Variants in FLI1 observed in about 807,000 individuals in gnomAD.
FLI1 encodes the protein Fli-1 proto-oncogene, ETS transcription factor.
In FLI1, 13 loss-of-function variants were observed where a neutral mutation model predicts 53.1. The observed-to-expected ratio is 0.24, with a 90% CI of 0.16 to 0.39. The LOEUF is 0.39. Ranked by LOEUF, FLI1 falls within the 10% of genes least tolerant of loss-of-function variation. The probability of loss-of-function intolerance (pLI) is 1.00; values close to 1 mark genes in which losing one functional copy is unlikely to be tolerated. For missense variants in FLI1, 424 were observed against 600.5 expected (o/e 0.71, Z 3.07); for synonymous variants, 244 against 236.7 (o/e 1.03, Z -0.28).
intron 1 of FLI1, among the ~76,000 whole-genome samples, chr11:128,727,579 G>T (rs942150596): frequency 1.1e-4 from 16 of 152,228 alleles, no homozygotes; most frequent in Non-Finnish European, 2.2e-4. Flanking sequence ...AGGCTGACTT[G>T]CTGCAGCCCA....
intron 2 of FLI1, among the ~76,000 whole-genome samples, chr11:128,760,086 C>G (rs1180775569): frequency 1.3e-5 from 2 of 152,158 alleles, no homozygotes; most frequent in East Asian, 3.9e-4. Flanking sequence ...AGCCTGCAGC[C>G]CCTCAGATGA....
At chr11:128,779,142 C>T (rs1245436223) in intron 4 of FLI1, among the ~76,000 whole-genome samples, 2 of 152,350 alleles carry the variant, frequency 1.3e-5, no homozygotes, top group Non-Finnish European at 2.9e-5. Flanking sequence ...CTGTGGAATT[C>T]ATGTGTGCCC....
chr11:128,719,876 A>G (rs1939184560), intron 1 of FLI1, among the ~76,000 whole-genome samples: 1 of 152,236 alleles, frequency 6.6e-6, no homozygotes, highest in African/African-American at 2.4e-5. Flanking sequence ...GGACTAAGTT[A>G]GTAAGCCCAT....
At chr11:128,745,914 G>A (rs943570893) in intron 1 of FLI1, among the ~76,000 whole-genome samples, 1 of 152,214 alleles carries the variant, frequency 6.6e-6, no homozygotes, top group Admixed American at 6.5e-5. Flanking sequence ...CAACTGCCAC[G>A]TGAGGAAATT....
chr11:128,787,010 T>C (rs192412331), intron 5 of FLI1, among the ~76,000 whole-genome samples: 306 of 152,306 alleles, frequency 2.0e-3, no homozygotes, highest in African/African-American at 7.1e-3. Context: ...AGCCATTGCC[T>C]TGGCTGATGG....
chr11:128,791,349 C>T (rs1942264463), intron 5 of FLI1, among the ~76,000 whole-genome samples: 2 of 152,162 alleles, frequency 1.3e-5, no homozygotes, highest in Admixed American at 6.5e-5. Flanking sequence ...TCTCAGTCCC[C>T]ACCCCCAGTC....
At chr11:128,689,233 G>A (rs767970581), upstream of FLI1, among the ~76,000 whole-genome samples, 2 of 152,208 alleles carry the variant, frequency 1.3e-5, no homozygotes, top group Non-Finnish European at 2.9e-5. Flanking sequence ...AAGGATGGAG[G>A]CGTGGAGGGA....
At chr11:128,757,264 T>C (rs1458591207) in intron 1 of FLI1, among the ~76,000 whole-genome samples, 1 of 152,014 alleles carries the variant, frequency 6.6e-6, no homozygotes, top group African/African-American at 2.4e-5. Context: ...CTTTTCTTAA[T>C]CCATGATCTC....
chr11:128,759,899 A>T (rs1941040361), intron 2 of FLI1, among the ~76,000 whole-genome samples: 1 of 152,202 alleles, frequency 6.6e-6, no homozygotes, highest in Non-Finnish European at 1.5e-5. Context: ...GATTGAAGAG[A>T]GAGAAGGGAA....
intron 1 of FLI1, among the ~76,000 whole-genome samples, chr11:128,710,306 T>C (rs376204946): frequency 3.3e-5 from 5 of 152,234 alleles, no homozygotes; most frequent in African/African-American, 9.6e-5. Flanking sequence ...CATTCAGACA[T>C]TTAGTATTAA....
chr11:128,749,048 C>T lies in FLI1; in HGVS notation c.19-9067C>T, dbSNP rs75493226. On this transcript the variant is annotated intron_variant, in intron 1 of 8. Coordinates refer to ENST00000527786, the MANE Select transcript of FLI1 (RefSeq NM_002017.5). ...GGAGATAATTCCACTATGTGTCTATCAGAGGACTTAGACTTTAATTCTGAG... is the reference window on the plus strand; with the variant it reads ...GGAGATAATTCCACTATGTGTCTATTAGAGGACTTAGACTTTAATTCTGAG... Among the ~76,000 whole-genome samples, 693 of 152,242 alleles carry T rather than the reference C, an allele frequency of 4.6e-3. 43 individuals carry two copies. In the East Asian group the frequency reaches 0.11, roughly 25 times the overall value.
At chr11:128,691,329 C>G (rs2135678289), upstream of FLI1, among the ~76,000 whole-genome samples, 1 of 152,160 alleles carries the variant, frequency 6.6e-6, no homozygotes, top group East Asian at 1.9e-4. Flanking sequence ...GTGGAGTTGA[C>G]CATCAAACCC....
At chr11:128,737,332 G>A (rs1328690745) in intron 1 of FLI1, among the ~76,000 whole-genome samples, 1 of 152,162 alleles carries the variant, frequency 6.6e-6, no homozygotes, top group Non-Finnish European at 1.5e-5. Flanking sequence ...GCAGAAAGGA[G>A]GGTTTTTACA....
chr11:128,793,888 C>T (rs1056683949), intron 5 of FLI1, among the ~76,000 whole-genome samples: 7 of 152,154 alleles, frequency 4.6e-5, no homozygotes, highest in African/African-American at 1.2e-4. Context: ...CCTCCCCATT[C>T]GTTCCCATTG....
chr11:128,807,336 T>C, intron 7 of FLI1, 97 bp downstream of exon 7: 3 of 738,578 alleles, frequency 4.1e-6, no homozygotes, highest in Admixed American at 6.8e-5. Context: ...ATACCACATA[T>C]GTTTTCTCTT....
intron 5 of FLI1, among the ~76,000 whole-genome samples, chr11:128,796,870 G>A (rs868811830): frequency 6.6e-6 from 1 of 152,226 alleles, no homozygotes; most frequent in Non-Finnish European, 1.5e-5. Flanking sequence ...AGCTACTCAG[G>A]AGGCTGAGGC....
intron 1 of FLI1, among the ~76,000 whole-genome samples, chr11:128,740,956 C>T (rs557293048): frequency 4.7e-4 from 72 of 152,232 alleles, no homozygotes; most frequent in East Asian, 2.9e-3. Flanking sequence ...CTCATGCCAA[C>T]GTTGTTGTTA....
intron 1 of FLI1, among the ~76,000 whole-genome samples, chr11:128,751,119 G>C (rs936876096): frequency 2.0e-5 from 3 of 152,198 alleles, no homozygotes; most frequent in Admixed American, 1.3e-4. Context: ...TAAAGGAAGA[G>C]TGGACACGCA....
At position 128,812,326 on chromosome 11, in the gene FLI1, C is replaced by CT. The variant is rs966135453; in HGVS notation, c.*1344dup. 2.8e-4 allele frequency: 61 copies of CT among 218,992 alleles called. No individual in the cohort carries two copies. The highest frequency in any genetic ancestry group is 5.0e-4 in the Non-Finnish European group (55 of 109,168). 13.6% of individuals were successfully genotyped at this position (218,992 alleles called of 1,614,324 possible). On this transcript the variant is annotated 3_prime_UTR_variant, in exon 9 of 9. Transcript: ENST00000527786. ...ATATAATTTTGCAGGTAATTGTTGA[C>CT]TTTTTTAACTATATTAAGTGTTAAG...
Sources: gnomAD v4.1 joint callset for allele counts (sites outside exome capture counted in the v4.1 genomes callset) on GRCh38, gnomAD v4.1.1 for gene constraint, MANE v1.5 for transcripts, NCBI Gene and HGNC (gene_info 2026-07-23, HGNC 2026-07-21) for gene names.